MOCOS: variants seen among roughly 807,000 people sequenced by gnomAD.
MOCOS encodes human molybdenum cofactor sulfurase.
A neutral mutation model predicts 83.6 loss-of-function variants in MOCOS; 86 were observed. The ratio of observed to expected loss-of-function variants is 1.03; its 90% CI spans 0.86 to 1.23. The LOEUF is 1.23. Ranked by LOEUF, MOCOS falls within the 50% of genes most tolerant of loss-of-function variation. The pLI is 0.00. For synonymous variants in MOCOS, 445 were observed against 434.7 expected (o/e 1.02, Z -0.29); for missense variants, 1,120 against 1,126.9 (o/e 0.99, Z 0.09).
intron 13 of MOCOS, among the ~76,000 whole-genome samples, chr18:36,260,675 C>T (rs986825059): frequency 2.6e-5 from 4 of 152,106 alleles, no homozygotes; most frequent in Admixed American, 2.6e-4. Flanking sequence ...TCCTCTGTCC[C>T]TGGCTTTGGA....
chr18:36,249,870 A>G lies in MOCOS; in HGVS notation c.2039+870A>G, dbSNP rs60527676. 4.4e-3 allele frequency among the ~76,000 whole-genome samples: 670 copies of G among 152,318 alleles called. 7 individuals are homozygous for G. The highest frequency in any genetic ancestry group is 0.015 in the African/African-American group (644 of 41,568). On this transcript the variant is annotated intron_variant, in intron 10 of 14. Transcript: ENST00000261326. ...CTAGCTTTCAGGTGATAACTCACAG[A>G]TTATATACCCATATTATGGGTTATT... is the stretch of plus-strand genomic sequence containing the variant.
At chr18:36,224,618 A>T (rs1331711024) in intron 9 of MOCOS, among the ~76,000 whole-genome samples, 4 of 151,976 alleles carry the variant, frequency 2.6e-5, no homozygotes, top group Non-Finnish European at 4.4e-5. Context: ...TCATCCTTAC[A>T]TCCCAGGAAT....
intron 13 of MOCOS, among the ~76,000 whole-genome samples, chr18:36,265,061 G>A (rs545508933): frequency 6.6e-5 from 10 of 152,192 alleles, no homozygotes; most frequent in Non-Finnish European, 1.5e-4. Context: ...CAAGCTGCTT[G>A]AAAACAGAAT....
chr18:36,220,139 C>T lies in MOCOS; in HGVS notation c.1882C>T (p.Gln628Ter), dbSNP rs761954346. The stretch of plus-strand genomic sequence containing the variant: ...GAATCACAATGGTGTTTGCCTGAGT[C>T]AGAAGCAGGAACCCCGGCTCTGCCT... ...VVNHNGVCLS[Q>*]KQEPRLCLIQ... The change falls in exon 9 of 15, where the codon CAG becomes TAG. Residue 628 changes from glutamine (Q) to a stop codon, truncating the protein, a stop_gained. Coordinates refer to ENST00000261326, the MANE Select transcript of MOCOS (RefSeq NM_017947.4). LOFTEE classifies it high-confidence loss of function. 2 of 1,614,116 alleles carry T rather than the reference C, an allele frequency of 1.2e-6. No individual in the cohort carries two copies. Among genetic ancestry groups the T allele is most frequent in the Non-Finnish European group, 1.7e-6 (2 of 1,180,040 alleles).
intron 9 of MOCOS, among the ~76,000 whole-genome samples, chr18:36,244,560 A>T (rs1256340345): frequency 6.6e-6 from 1 of 152,074 alleles, no homozygotes; most frequent in African/African-American, 2.4e-5. Context: ...CATCTTGGAG[A>T]ATATTACATG....
Position 36,200,201 on chromosome 18 carries a change from G to A in MOCOS, c.818G>A (p.Gly273Asp), listed in dbSNP as rs1348722802. 1 of 1,614,066 alleles carries A rather than the reference G, an allele frequency of 6.2e-7. No homozygotes were observed. Among genetic ancestry groups the A allele is most frequent in the Non-Finnish European group, 8.5e-7 (1 of 1,180,042 alleles). ...ATCTTCGGGTTTCCTACAGGCCTGG[G>A]CGCTCTGCTGGTCCATAATCGTGCG... ...YKIFGFPTGL[G>D]ALLVHNRAAP... is the part of the protein sequence containing the mutation. The change falls in exon 4 of 15, where the codon GGC becomes GAC. Residue 273 changes from glycine to aspartate, a missense_variant. Transcript: ENST00000261326.
chr18:36,261,865 T>C (rs917979155), intron 13 of MOCOS, among the ~76,000 whole-genome samples: 24 of 151,660 alleles, frequency 1.6e-4, no homozygotes, highest in African/African-American at 5.8e-4. Flanking sequence ...GGGAACAAAA[T>C]AGACACTAAA....
intron 1 of MOCOS, chr18:36,190,343 G>A (rs1236215022): frequency 1.3e-5 from 2 of 152,200 alleles, no homozygotes; most frequent in African/African-American, 4.8e-5. Flanking sequence ...GTGTTGAATT[G>A]TAATTCCCAG....
chr18:36,253,393 C>T (rs377495290), intron 11 of MOCOS, among the ~76,000 whole-genome samples: 20 of 152,130 alleles, frequency 1.3e-4, no homozygotes, highest in African/African-American at 4.6e-4. Flanking sequence ...GGAGGCCAGG[C>T]GCGGTGGCTC....
intron 9 of MOCOS, among the ~76,000 whole-genome samples, chr18:36,232,434 CAGTGTAATTAT>C (rs1219645021): frequency 6.6e-6 from 1 of 152,054 alleles, no homozygotes; most frequent in African/African-American, 2.4e-5. Flanking sequence ...ATGATCAAAT[CAGTGTAATTAT>C]ATAGCATATT....
At chr18:36,213,230 A>G in intron 6 of MOCOS, 136 bp from the exon 7 acceptor site, 1 of 751,416 alleles carries the variant, frequency 1.3e-6, no homozygotes, top group Non-Finnish European at 2.3e-6. Context: ...CCTGTGATAA[A>G]TCATTTTAGA....
intron 9 of MOCOS, among the ~76,000 whole-genome samples, chr18:36,245,156 C>G (rs2091598057): frequency 6.6e-6 from 1 of 152,064 alleles, no homozygotes; most frequent in Non-Finnish European, 1.5e-5. Flanking sequence ...AGGTACTGTT[C>G]TATTCATCAT....
intron 4 of MOCOS, among the ~76,000 whole-genome samples, chr18:36,201,532 G>A (rs966161416): frequency 1.3e-5 from 2 of 151,630 alleles, no homozygotes; most frequent in African/African-American, 4.8e-5. Context: ...TGTGGTGGTG[G>A]GTGCTTGTAA....
intron 9 of MOCOS, among the ~76,000 whole-genome samples, chr18:36,236,699 T>C (rs971881062): frequency 1.4e-5 from 2 of 142,162 alleles, no homozygotes; most frequent in African/African-American, 5.4e-5. Context: ...GGGGGTGGCA[T>C]TGAATCTGTA....
At chr18:36,239,774 A>G (rs1598587054) in intron 9 of MOCOS, among the ~76,000 whole-genome samples, 1 of 149,726 alleles carries the variant, frequency 6.7e-6, no homozygotes, top group Non-Finnish European at 1.5e-5. Context: ...AGGTACACCA[A>G]TCAGACGTAG....
intron 9 of MOCOS, among the ~76,000 whole-genome samples, chr18:36,244,791 T>A (rs2091596740): frequency 6.6e-6 from 1 of 152,182 alleles, no homozygotes; most frequent in South Asian, 2.1e-4. Context: ...TTTATAAATT[T>A]GAGAACTCCA....
chr18:36,215,366 C>G, intron 7 of MOCOS, 150 bp from the exon 8 acceptor site: 1 of 785,090 alleles, frequency 1.3e-6, no homozygotes, highest in East Asian at 2.7e-5. Flanking sequence ...GAGAGCTGAA[C>G]TATGTCCCAG....
intron 8 of MOCOS, among the ~76,000 whole-genome samples, chr18:36,217,669 A>G (rs2091480403): frequency 6.6e-6 from 1 of 152,182 alleles, no homozygotes; most frequent in South Asian, 2.1e-4. Context: ...GCCAGCAGAG[A>G]CGAAATTGGA....
At chr18:36,238,045 T>C (rs1454222625) in intron 9 of MOCOS, among the ~76,000 whole-genome samples, 3 of 151,738 alleles carry the variant, frequency 2.0e-5, no homozygotes, top group Admixed American at 6.6e-5. Flanking sequence ...TTAGTCTTGC[T>C]AGTGGTCTAT....
Sources: allele counts gnomAD v4.1 joint callset (sites outside exome capture counted in the v4.1 genomes callset), GRCh38; gene constraint gnomAD v4.1.1; transcripts MANE v1.5; gene names NCBI Gene and HGNC (gene_info 2026-07-23, HGNC 2026-07-21).